TNNC1: variants seen among roughly 807,000 people sequenced by gnomAD.
TNNC1 encodes the protein troponin C, slow skeletal and cardiac muscles.
In TNNC1, 10 loss-of-function variants were observed where a neutral mutation model predicts 19.6. The observed-to-expected ratio is 0.51, with a 90% confidence interval of 0.31 to 0.87. The LOEUF is 0.87. TNNC1 is among the 40% of genes least tolerant of loss of function. The probability of loss-of-function intolerance (pLI) is 0.04; values close to 1 mark genes in which losing one functional copy is unlikely to be tolerated. For synonymous variants in TNNC1, 85 were observed against 80.1 expected, an observed-to-expected ratio of 1.06 and a Z score of -0.33; for missense variants, 115 against 219.8, an observed-to-expected ratio of 0.52 and a Z score of 3.02.
chr3:52,453,196 G>GCCCCTCC (rs1706355450), intron 1 of TNNC1, among the ~76,000 whole-genome samples: 1 of 152,240 alleles, frequency 6.6e-6, no homozygotes, highest in Non-Finnish European at 1.5e-5. Flanking sequence ...CCTGGGGACA[G>GCCCCTCC]CTGGCCATGC....
In TNNC1 at chr3:52,451,401, G is replaced by T. The variant is rs149428762; in HGVS notation, c.444C>A (p.Ile148=). 4.3e-6 allele frequency: 7 copies of T among 1,614,146 alleles called. No individual in the cohort carries two copies. The African/African-American group carries it at 6.7e-5, about 15-fold the overall frequency. Residue 148 remains isoleucine, a synonymous_variant, in exon 5 of 6, where the codon ATC becomes ATA. Transcript: ENST00000232975. This position sits in a 1 kb window ranked among gnomAD's most constrained non-coding sequence, Gnocchi z 4.8. ...KDGDKNNDGR[I]DYDEFLEFMK... is the part of the protein sequence containing the mutation. Reference sequence around the variant, plus strand: ...CACCCACCCGCTTACCATCATAGTCGATGCGGCCGTCGTTGTTCTTGTCTC... The same window carrying T: ...CACCCACCCGCTTACCATCATAGTCTATGCGGCCGTCGTTGTTCTTGTCTC...
Position 52,451,159 on chromosome 3 carries a change from T to G in TNNC1, c.*116A>C. 1 of 1,201,768 alleles carries G rather than the reference T, an allele frequency of 8.3e-7. No homozygotes were observed. The highest frequency in any genetic ancestry group is 1.2e-5 in the South Asian group (1 of 80,012). The allele number at this position is 1,201,768 out of a possible 1,614,324, so 74.4% of individuals were successfully genotyped here. A position where few individuals can be genotyped will look rare whatever the true frequency, so the allele number is the denominator to read the frequency against. On this transcript the variant is annotated 3_prime_UTR_variant, in exon 6 of 6. Transcript: ENST00000232975. The surrounding 1 kb of genome is among the most constrained non-coding windows in gnomAD (Gnocchi z 4.8). ...CAGATCTGGGGAGGGAGTCGGGGGATTTGGGGTTGAGGACATGGCCAGGCT... is the reference window on the plus strand; with the variant it reads ...CAGATCTGGGGAGGGAGTCGGGGGAGTTGGGGTTGAGGACATGGCCAGGCT...
intron 1 of TNNC1, among the ~76,000 whole-genome samples, chr3:52,453,571 T>G (rs371520612): frequency 2.0e-5 from 3 of 152,086 alleles, no homozygotes; most frequent in Admixed American, 6.5e-5. Context: ...TGGCAGATTT[T>G]GAGCATGTGA....
Position 52,451,347 on chromosome 3 carries a change from G to A in TNNC1, c.455-41C>T, listed in dbSNP as rs1706323558. 6.2e-7 allele frequency: 1 copy of A among 1,614,086 alleles called. No individual in the cohort carries two copies. The highest frequency in any genetic ancestry group is 8.5e-7 in the Non-Finnish European group (1 of 1,179,992). On this transcript the variant is annotated intron_variant, in intron 5 of 5. Transcript: ENST00000232975. This position sits in a 1 kb window ranked among gnomAD's most constrained non-coding sequence, Gnocchi z 4.8. The stretch of plus-strand genomic sequence containing the variant: ...CAGGTGTGGGTTGAGGGTAGGGGCT[G>A]GGCAGGGCATGGAGGCAGGAGATCA...
In TNNC1 at chr3:52,451,848, C is replaced by G. The variant is rs140287760; in HGVS notation, c.213G>C (p.Thr71=). Residue 71 remains threonine, a synonymous_variant, in exon 4 of 6, where the codon ACG becomes ACC. Coordinates refer to ENST00000232975, the MANE Select transcript of TNNC1 (RefSeq NM_003280.3). This position sits in a 1 kb window ranked among gnomAD's most constrained non-coding sequence, Gnocchi z 4.8. ...TGACCAGGAACTCATCAAAGTCCAC[C>G]GTGCCGCTGCCTGGGGGTGGGCAGC... ...IDEVDEDGSG[T]VDFDEFLVMM... 1.4e-5 allele frequency: 22 copies of G among 1,613,924 alleles called. No homozygotes were observed. Among genetic ancestry groups the G allele is most frequent in the South Asian group, 5.5e-5 (5 of 91,086 alleles).
chr3:52,452,287 G>A lies in TNNC1; in HGVS notation c.56-35C>T. ...GGGGTTGGGGGGCACAGTAGTCAGG[G>A]CTCAGCAGCCAGGACCACGGAGGGC... On this transcript the variant is annotated intron_variant, in intron 2 of 5. Transcript: ENST00000232975. The surrounding 1 kb of genome is among the most constrained non-coding windows in gnomAD (Gnocchi z 5.2). 1 of 1,604,838 alleles carries A rather than the reference G, an allele frequency of 6.2e-7. No homozygotes were observed. Among genetic ancestry groups the A allele is most frequent in the Non-Finnish European group, 8.5e-7 (1 of 1,179,950 alleles).
chr3:52,451,122 C>A lies in TNNC1; in HGVS notation c.*153G>T. On this transcript the variant is annotated 3_prime_UTR_variant, in exon 6 of 6. Coordinates refer to ENST00000232975, the MANE Select transcript of TNNC1 (RefSeq NM_003280.3). This position sits in a 1 kb window ranked among gnomAD's most constrained non-coding sequence, Gnocchi z 4.8. ...ACCTTGGGAGAGCAGGCTTTATTTG[C>A]ATCCCCCAGGACAGATCTGGGGAGG... The A allele has an allele frequency of 1.1e-6, 1 of 894,978 alleles. No homozygotes were observed. Among genetic ancestry groups the A allele is most frequent in the Non-Finnish European group, 1.8e-6 (1 of 554,768 alleles). 55.4% of individuals were successfully genotyped at this position (894,978 alleles called of 1,614,324 possible). A position where few individuals can be genotyped will look rare whatever the true frequency, so the allele number is the denominator to read the frequency against.
In TNNC1 at chr3:52,451,793, T is replaced by C; in HGVS notation, c.268A>G (p.Lys90Glu). The C allele has an allele frequency of 6.2e-7, 1 of 1,614,110 alleles. No individual in the cohort carries two copies. Among genetic ancestry groups the C allele is most frequent in the Non-Finnish European group, 8.5e-7 (1 of 1,180,002 alleles). ...MMVRCMKDDSKGKSEEELSDL... is the reference protein window; with the variant it reads ...MMVRCMKDDSEGKSEEELSDL... ...GACAGCTCCTCCTCAGATTTCCCTT[T>C]GCTGTCGTCCTTCATGCACCGAACC... The change falls in exon 4 of 6, where the codon AAA becomes GAA. Residue 90 changes from lysine to glutamate, a missense_variant. This residue lies in a region of TNNC1 where 96 missense variants were observed against 114.2 expected (regional missense o/e 0.84). Transcript: ENST00000232975. This position sits in a 1 kb window ranked among gnomAD's most constrained non-coding sequence, Gnocchi z 4.8.
At position 52,451,489 on chromosome 3, in the gene TNNC1, A is replaced by G. The variant is rs200296115; in HGVS notation, c.356T>C (p.Ile119Thr). 6 of 1,614,088 alleles carry G rather than the reference A, an allele frequency of 3.7e-6. No homozygotes were observed. In the African/African-American group the frequency reaches 5.3e-5, roughly 14 times the overall value. ...DGYIDLDELKIMLQATGETIT... is the reference protein window; with the variant it reads ...DGYIDLDELKTMLQATGETIT... ...GGTCTCGCCTGTAGCCTGCAGCATTATCTTCAGCTCATCCAGGTCGATGTA... is the reference window on the plus strand; with the variant it reads ...GGTCTCGCCTGTAGCCTGCAGCATTGTCTTCAGCTCATCCAGGTCGATGTA... Residue 119 changes from isoleucine to threonine, a missense_variant, in exon 5 of 6, where the codon ATA (isoleucine) becomes ACA (threonine). Around this residue, in one of 2 missense-constraint regions of TNNC1, gnomAD observed 96 missense variants for 114.2 expected, o/e 0.84. Coordinates refer to ENST00000232975, the MANE Select transcript of TNNC1 (RefSeq NM_003280.3). The surrounding 1 kb of genome is among the most constrained non-coding windows in gnomAD (Gnocchi z 4.8).
chr3:52,453,928 C>T, intron 1 of TNNC1, 64 bp downstream of exon 1: 2 of 1,550,470 alleles, frequency 1.3e-6, no homozygotes, highest in Non-Finnish European at 1.7e-6. Flanking sequence ...TAACCCCGCA[C>T]TCTCAGCTGA....
In TNNC1 at chr3:52,452,265, G is replaced by T. The variant is rs770343636; in HGVS notation, c.56-13C>A. 3.7e-6 allele frequency: 6 copies of T among 1,608,084 alleles called. No homozygotes were observed. The highest frequency in any genetic ancestry group is 5.1e-6 in the Non-Finnish European group (6 of 1,180,000). ...GCTGCCTTGAACTCTGTGTTCAGGG[G>T]TTGGGGGGCACAGTAGTCAGGGCTC... On this transcript the variant is annotated splice_polypyrimidine_tract_variant and intron_variant, in intron 2 of 5. Transcript: ENST00000232975. The surrounding 1 kb of genome is among the most constrained non-coding windows in gnomAD (Gnocchi z 5.2).
At chr3:52,453,016 C>T (rs935775265) in intron 1 of TNNC1, among the ~76,000 whole-genome samples, 2 of 152,242 alleles carry the variant, frequency 1.3e-5, no homozygotes, top group African/African-American at 4.8e-5. Flanking sequence ...GCTAGTGCCG[C>T]CTCAGAAGCC....
rs1273633522 is a variant in TNNC1, at chr3:52,451,538, G to T, written c.318-11C>A. 1 of 1,614,014 alleles carries T rather than the reference G, an allele frequency of 6.2e-7. No individual in the cohort carries two copies. The highest frequency in any genetic ancestry group is 1.1e-5 in the South Asian group (1 of 91,078). On this transcript the variant is annotated splice_polypyrimidine_tract_variant and intron_variant, in intron 4 of 5. Transcript: ENST00000232975. This position sits in a 1 kb window ranked among gnomAD's most constrained non-coding sequence, Gnocchi z 4.8. ...TAGCCATCAGCATTTCTGTGGGGAG[G>T]GGGCTCAGGGTAGGGCTGTGGGGAG...
rs781712996 is a variant in TNNC1, at chr3:52,452,145, CA to C, written c.162del (p.Glu55ArgfsTer6). ...VMRMLGQNPT[P>X]EELQEMIDEV... is the part of the protein sequence containing the mutation. ...TCATCGATCATCTCCTGCAGCTCCT[CA>C]GGGGTGGGGTTCTGGCCCAGCATCC... is the stretch of plus-strand genomic sequence containing the variant. On this transcript the variant is annotated frameshift_variant, in exon 3 of 6. Coordinates refer to ENST00000232975, the MANE Select transcript of TNNC1 (RefSeq NM_003280.3). LOFTEE classifies it high-confidence loss of function. The surrounding 1 kb of genome is among the most constrained non-coding windows in gnomAD (Gnocchi z 5.2). 1 of 1,614,030 alleles carries C rather than the reference CA, an allele frequency of 6.2e-7. No individual in the cohort carries two copies. The highest frequency in any genetic ancestry group is 2.2e-5 in the East Asian group (1 of 44,866).
chr3:52,451,140 T>C lies in TNNC1; in HGVS notation c.*135A>G. On this transcript the variant is annotated 3_prime_UTR_variant, in exon 6 of 6. Coordinates refer to ENST00000232975, the MANE Select transcript of TNNC1 (RefSeq NM_003280.3). The surrounding 1 kb of genome is among the most constrained non-coding windows in gnomAD (Gnocchi z 4.8). ...TTATTTGCATCCCCCAGGACAGATC[T>C]GGGGAGGGAGTCGGGGGATTTGGGG... 1 of 1,019,092 alleles carries C rather than the reference T, an allele frequency of 9.8e-7. No individual in the cohort carries two copies. Among genetic ancestry groups the C allele is most frequent in the Non-Finnish European group, 1.5e-6 (1 of 658,288 alleles). 63.1% of individuals were successfully genotyped at this position (1,019,092 alleles called of 1,614,324 possible). A position where few individuals can be genotyped will look rare whatever the true frequency, so the allele number is the denominator to read the frequency against.
In TNNC1 at chr3:52,451,982, G is replaced by A. The variant is rs1706336509; in HGVS notation, c.202+124C>T. On this transcript the variant is annotated intron_variant, in intron 3 of 5. Transcript: ENST00000232975. This position sits in a 1 kb window ranked among gnomAD's most constrained non-coding sequence, Gnocchi z 4.8. ...AACGCCAGGCTTGTGTAGCCCTTAT[G>A]CCCATTTTATAGATGAGGCAACCAA... The A allele has an allele frequency of 1.3e-5, 20 of 1,557,162 alleles. No individual in the cohort carries two copies. Among genetic ancestry groups the A allele is most frequent in the Non-Finnish European group, 1.7e-5 (19 of 1,131,864 alleles).
rs1436396539 is a variant in TNNC1 at position 52,452,614 on chromosome 3, G to A, written c.25-101C>T. 17 of 1,318,398 alleles carry A rather than the reference G, an allele frequency of 1.3e-5. No homozygotes were observed. Among genetic ancestry groups the A allele is most frequent in the Non-Finnish European group, 1.6e-5 (15 of 930,510 alleles). 81.7% of individuals were successfully genotyped at this position (1,318,398 alleles called of 1,614,324 possible). On this transcript the variant is annotated intron_variant, in intron 1 of 5. Transcript: ENST00000232975. The surrounding 1 kb of genome is among the most constrained non-coding windows in gnomAD (Gnocchi z 5.2). ...GAGAAGGCTGGAGCTGGAGGAGGCA[G>A]GCTATTTCCAGGCCACAGAGTGGAG...
In TNNC1 at chr3:52,451,869, G is replaced by T; in HGVS notation, c.203-11C>A. ...CCACCGTGCCGCTGCCTGGGGGTGG[G>T]CAGCATGGCCGTTACAGAGGCCAGG... On this transcript the variant is annotated splice_polypyrimidine_tract_variant and intron_variant, in intron 3 of 5. Coordinates refer to ENST00000232975, the MANE Select transcript of TNNC1 (RefSeq NM_003280.3). This position sits in a 1 kb window ranked among gnomAD's most constrained non-coding sequence, Gnocchi z 4.8. 2 of 1,612,978 alleles carry T rather than the reference G, an allele frequency of 1.2e-6. No homozygotes were observed. The highest frequency in any genetic ancestry group is 1.7e-6 in the Non-Finnish European group (2 of 1,179,132).
chr3:52,453,925 G>T (rs942654962), intron 1 of TNNC1, 67 bp downstream of exon 1: 2 of 1,541,592 alleles, frequency 1.3e-6, no homozygotes, highest in African/African-American at 1.4e-5. Flanking sequence ...TACTAACCCC[G>T]CACTCTCAGC....
Sources: allele counts gnomAD v4.1 joint callset (sites outside exome capture counted in the v4.1 genomes callset), GRCh38; gene constraint gnomAD v4.1.1; regional missense constraint gnomAD v4.1.1; non-coding constraint Gnocchi (gnomAD v3.1); transcripts MANE v1.5; gene names NCBI Gene and HGNC (gene_info 2026-07-23, HGNC 2026-07-21).